SLC2A1: variants seen among roughly 807,000 people sequenced by gnomAD.
SLC2A1 encodes solute carrier family 2, facilitated glucose transporter member 1.
SLC2A1 carries 4 observed loss-of-function variants against 46.6 expected under a neutral mutation model. The observed-to-expected ratio is 0.09, with a 90% CI of 0.04 to 0.20. The LOEUF is 0.20. Ranked by LOEUF, SLC2A1 falls within the 10% of genes least tolerant of loss-of-function variation. The pLI is 1.00. For missense variants in SLC2A1, 352 were observed against 667.0 expected, an observed-to-expected ratio of 0.53 and a Z score of 5.20; for synonymous variants, 253 against 270.0, an observed-to-expected ratio of 0.94 and a Z score of 0.62.
At chr1:42,952,813 G>A (rs762072605) in intron 1 of SLC2A1, among the ~76,000 whole-genome samples, 7 of 152,338 alleles carry the variant, frequency 4.6e-5, no homozygotes, top group Non-Finnish European at 7.3e-5. Flanking sequence ...CAGCCCAAGA[G>A]AGTCCACCTC....
At position 42,928,808 on chromosome 1, in the gene SLC2A1, C is replaced by A. The variant is rs865979740; in HGVS notation, c.1074+124G>T. 258 of 858,708 alleles carry A rather than the reference C, an allele frequency of 3.0e-4. 3 individuals carry two copies. In the Middle Eastern group the frequency reaches 6.7e-3, roughly 22 times the overall value. The allele number at this position is 858,708 out of a possible 1,614,324, so 53.2% of individuals were successfully genotyped here. A position where few individuals can be genotyped will look rare whatever the true frequency, so the allele number is the denominator to read the frequency against. ...AACTTCAGGAGCCAGAAAGTCAGAC[C>A]CACAGCCAGGGAGAATGCAGCCACC... On this transcript the variant is annotated intron_variant, in intron 8 of 9. Transcript: ENST00000426263.
At chr1:42,937,695 A>G (rs1643555267) in intron 2 of SLC2A1, among the ~76,000 whole-genome samples, 1 of 152,256 alleles carries the variant, frequency 6.6e-6, no homozygotes, top group African/African-American at 2.4e-5. Flanking sequence ...GAACAACTGA[A>G]TTACTATTTC....
At chr1:42,947,764 G>A (rs937669071) in intron 1 of SLC2A1, among the ~76,000 whole-genome samples, 3 of 147,716 alleles carry the variant, frequency 2.0e-5, no homozygotes, top group South Asian at 2.1e-4. Context: ...CCAGAGTGAC[G>A]AGAGTAGGGA....
chr1:42,957,877 C>T (rs1282063046), intron 1 of SLC2A1, among the ~76,000 whole-genome samples: 1 of 152,178 alleles, frequency 6.6e-6, no homozygotes, highest in African/African-American at 2.4e-5. Context: ...CGGTTGCGCT[C>T]CCCGCCTGGC....
chr1:42,935,032 C>T (rs891488655), intron 2 of SLC2A1, among the ~76,000 whole-genome samples: 23 of 152,188 alleles, frequency 1.5e-4, no homozygotes, highest in African/African-American at 5.1e-4. Flanking sequence ...CTTCTCTGCT[C>T]CCTTCCCAGC....
intron 1 of SLC2A1, among the ~76,000 whole-genome samples, chr1:42,957,857 C>G (rs1570610460): frequency 6.6e-6 from 1 of 152,176 alleles, no homozygotes; most frequent in East Asian, 1.9e-4. Flanking sequence ...CCCCAGATCC[C>G]CCGCCCCTCC....
chr1:42,949,634 G>A (rs1643699598), intron 1 of SLC2A1, among the ~76,000 whole-genome samples: 1 of 152,232 alleles, frequency 6.6e-6, no homozygotes, highest in South Asian at 2.1e-4. Context: ...GCACTCGCCA[G>A]TCTTCAAAGT....
chr1:42,942,154 C>T (rs1275626265), intron 2 of SLC2A1, among the ~76,000 whole-genome samples: 5 of 152,204 alleles, frequency 3.3e-5, no homozygotes, highest in Non-Finnish European at 7.3e-5. Flanking sequence ...TTGGTCCTCT[C>T]TGGGAAGGTA....
At chr1:42,931,708 A>G (rs1643491624) in intron 2 of SLC2A1, among the ~76,000 whole-genome samples, 1 of 151,968 alleles carries the variant, frequency 6.6e-6, no homozygotes, top group Non-Finnish European at 1.5e-5. Flanking sequence ...GCAAGCATGT[A>G]ATCCCAGCTA....
At chr1:42,955,997 T>C (rs1477667358) in intron 1 of SLC2A1, among the ~76,000 whole-genome samples, 1 of 152,182 alleles carries the variant, frequency 6.6e-6, no homozygotes, top group East Asian at 1.9e-4. Context: ...CAGACACACC[T>C]GGTTTTCAGA....
In SLC2A1 at chr1:42,926,453, C is replaced by T. The variant is rs1643427259; in HGVS notation, c.*588G>A. The T allele has an allele frequency of 1.2e-5, 3 of 242,828 alleles. No homozygotes were observed. Among genetic ancestry groups the T allele is most frequent in the Admixed American group, 9.2e-5 (2 of 21,788 alleles). 15.0% of individuals were successfully genotyped at this position (242,828 alleles called of 1,614,324 possible). On this transcript the variant is annotated 3_prime_UTR_variant, in exon 10 of 10. Coordinates refer to ENST00000426263, the MANE Select transcript of SLC2A1 (RefSeq NM_006516.4). ...TGGCCCTTCCCCTCTCCTCCCTGCA[C>T]TCCAGTGCTCCCAACTGGTCTCAGG...
At position 42,930,510 on chromosome 1, in the gene SLC2A1, G is replaced by A; in HGVS notation, c.516+116C>T. ...GACCTGTGTACCATAGTTGTCCTCT[G>A]CAAGGCTGTGGGGGCTGGGCGGAAG... On this transcript the variant is annotated intron_variant, in intron 4 of 9. Coordinates refer to ENST00000426263, the MANE Select transcript of SLC2A1 (RefSeq NM_006516.4). This position sits in a 1 kb window ranked among gnomAD's most constrained non-coding sequence, Gnocchi z 6.2. 7.0e-7 allele frequency: 1 copy of A among 1,418,982 alleles called. No homozygotes were observed. Among genetic ancestry groups the A allele is most frequent in the Non-Finnish European group, 9.8e-7 (1 of 1,023,434 alleles). The allele number at this position is 1,418,982 out of a possible 1,614,324, so 87.9% of individuals were successfully genotyped here.
In SLC2A1 at chr1:42,927,131, G is replaced by A. The variant is rs376959589; in HGVS notation, c.1389C>T (p.Ile463=). The change falls in exon 10 of 10, where the codon ATC becomes ATT. Residue 463 remains isoleucine (I), a synonymous_variant. Coordinates refer to ENST00000426263, the MANE Select transcript of SLC2A1 (RefSeq NM_006516.4). This position sits in a 1 kb window ranked among gnomAD's most constrained non-coding sequence, Gnocchi z 5.3. The part of the protein sequence containing the change: ...PETKGRTFDE[I]ASGFRQGGAS... The stretch of plus-strand genomic sequence containing the variant: ...CTCCCCCCTGCCGGAAGCCGGAAGC[G>A]ATCTCATCGAAGGTCCGGCCTTTAG... 6.2e-6 allele frequency: 10 copies of A among 1,614,058 alleles called. No homozygotes were observed. Among genetic ancestry groups the A allele is most frequent in the African/African-American group, 1.3e-5 (1 of 74,916 alleles).
chr1:42,935,136 G>T (rs1330665209), intron 2 of SLC2A1, among the ~76,000 whole-genome samples: 1 of 152,170 alleles, frequency 6.6e-6, no homozygotes, highest in Non-Finnish European at 1.5e-5. Context: ...GACTGCCATG[G>T]TGTCGGCCAG....
At chr1:42,931,254 C>T (rs1453383215) in intron 2 of SLC2A1, 48 bp from the exon 3 acceptor site, 1 of 1,593,030 alleles carries the variant, frequency 6.3e-7, no homozygotes, top group Admixed American at 1.7e-5. Context: ...GGCCAGGACC[C>T]AGTCTTCCTT....
At chr1:42,957,824 T>C (rs145506254) in intron 1 of SLC2A1, among the ~76,000 whole-genome samples, 157 of 152,262 alleles carry the variant, frequency 1.0e-3, no homozygotes, top group Admixed American at 3.9e-3. Flanking sequence ...CCGCTAGACT[T>C]CAGCCTGGGG....
intron 1 of SLC2A1, among the ~76,000 whole-genome samples, chr1:42,950,303 A>G (rs1357176224): frequency 6.6e-6 from 1 of 152,244 alleles, no homozygotes; most frequent in African/African-American, 2.4e-5. Context: ...CAAAGCTGAC[A>G]ATATTTACGC....
chr1:42,956,021 G>C (rs1643768769), intron 1 of SLC2A1, among the ~76,000 whole-genome samples: 1 of 152,128 alleles, frequency 6.6e-6, no homozygotes, highest in South Asian at 2.1e-4. Context: ...TGTGTGAAAG[G>C]CAAGCGATAT....
intron 1 of SLC2A1, chr1:42,952,674 T>C (rs1643734402): frequency 4.6e-6 from 1 of 215,182 alleles, no homozygotes; most frequent in Admixed American, 5.7e-5. Context: ...ACACCCAAGT[T>C]ATCACACGCA....
Sources: allele counts gnomAD v4.1 joint callset (sites outside exome capture counted in the v4.1 genomes callset), GRCh38; gene constraint gnomAD v4.1.1; non-coding constraint Gnocchi (gnomAD v3.1); transcripts MANE v1.5; gene names NCBI Gene and HGNC (gene_info 2026-07-23, HGNC 2026-07-21).